ST3GAL6: variants seen among roughly 807,000 people sequenced by gnomAD.
ST3GAL6 encodes ST3 beta-galactoside alpha-2,3-sialyltransferase 6.
Under a neutral mutation model 40.5 loss-of-function variants are expected in ST3GAL6, and 31 were observed. The observed-to-expected ratio is 0.77, with a 90% CI of 0.58 to 1.03. ST3GAL6 has a LOEUF of 1.03. ST3GAL6 is among the 50% of genes least tolerant of loss of function. ST3GAL6 has a pLI of 0.00. For missense variants in ST3GAL6, 357 were observed against 393.2 expected, an observed-to-expected ratio of 0.91 and a Z score of 0.78; for synonymous variants, 129 against 136.9, an observed-to-expected ratio of 0.94 and a Z score of 0.40.
upstream of ST3GAL6, among the ~76,000 whole-genome samples, chr3:98,758,590 A>G (rs1467773665): frequency 6.6e-6 from 1 of 152,228 alleles, no homozygotes; most frequent in African/African-American, 2.4e-5. Flanking sequence ...TTCACTTTAT[A>G]TTCAAAAGCA....
intron 8 of ST3GAL6, among the ~76,000 whole-genome samples, chr3:98,791,222 T>A (rs1302022435): frequency 5.3e-5 from 8 of 152,204 alleles, no homozygotes; most frequent in Admixed American, 1.3e-4. Context: ...GCTTGGTTTT[T>A]CTTTCTAAAA....
At chr3:98,774,965 C>A (rs574147270) in intron 5 of ST3GAL6, among the ~76,000 whole-genome samples, 2 of 152,244 alleles carry the variant, frequency 1.3e-5, no homozygotes, top group Admixed American at 1.3e-4. Context: ...TCAATAGCAA[C>A]CATAAATTTT....
intron 1 of ST3GAL6, among the ~76,000 whole-genome samples, chr3:98,746,402 A>G (rs1936553314): frequency 6.6e-6 from 1 of 151,840 alleles, no homozygotes; most frequent in Non-Finnish European, 1.5e-5. Flanking sequence ...TTGGGAGCCC[A>G]GATTTTTTTT....
intron 1 of ST3GAL6, chr3:98,733,082 C>T (rs1935182198): frequency 1.5e-6 from 2 of 1,370,546 alleles, no homozygotes; most frequent in East Asian, 3.0e-5. Flanking sequence ...CTGTGCTGCC[C>T]CGACCCTCCG....
intron 2 of ST3GAL6, chr3:98,770,322 C>T (rs1277788485): frequency 1.3e-5 from 2 of 152,654 alleles, no homozygotes; most frequent in Non-Finnish European, 2.9e-5. Context: ...GTACTCCATT[C>T]AGGAGCACAC....
At chr3:98,751,277 G>C (rs559477174) in intron 1 of ST3GAL6, among the ~76,000 whole-genome samples, 6 of 152,126 alleles carry the variant, frequency 3.9e-5, no homozygotes, top group Non-Finnish European at 5.9e-5. Flanking sequence ...ATAAGTAATA[G>C]TGGATAGAAG....
chr3:98,778,428 G>A (rs1939757063), intron 5 of ST3GAL6, among the ~76,000 whole-genome samples: 1 of 152,202 alleles, frequency 6.6e-6, no homozygotes, highest in Admixed American at 6.5e-5. Context: ...CCCTACTTTA[G>A]ACATTCTGCT....
chr3:98,770,160 C>A (rs1938813588), intron 2 of ST3GAL6, among the ~76,000 whole-genome samples: 1 of 152,172 alleles, frequency 6.6e-6, no homozygotes, highest in East Asian at 1.9e-4. Flanking sequence ...ATGAATTCTT[C>A]ACATAACTGA....
chr3:98,774,236 C>A (rs1219109862), intron 5 of ST3GAL6, among the ~76,000 whole-genome samples: 2 of 152,178 alleles, frequency 1.3e-5, no homozygotes, highest in African/African-American at 2.4e-5. Flanking sequence ...ACATTTTTAA[C>A]CTACATTCAT....
intron 1 of ST3GAL6, among the ~76,000 whole-genome samples, chr3:98,764,314 A>G (rs1488186336): frequency 3.3e-5 from 5 of 151,304 alleles, no homozygotes; most frequent in African/African-American, 7.3e-5. Context: ...AGGGGAGTCT[A>G]AAAAAAAACC....
At chr3:98,749,123 T>C (rs146514940) in intron 1 of ST3GAL6, among the ~76,000 whole-genome samples, 3 of 152,348 alleles carry the variant, frequency 2.0e-5, no homozygotes, top group East Asian at 3.9e-4. Flanking sequence ...AAATTCTTTA[T>C]TGAAGAAATC....
chr3:98,762,666 C>T (rs1040932930), upstream of ST3GAL6: 22 of 504,934 alleles, frequency 4.4e-5, no homozygotes, highest in Admixed American at 6.4e-5. Flanking sequence ...GTATCATCCC[C>T]TTGTTTTATT....
At chr3:98,768,698 C>T (rs915625963) in intron 2 of ST3GAL6, among the ~76,000 whole-genome samples, 169 bp downstream of exon 2, 5 of 152,132 alleles carry the variant, frequency 3.3e-5, no homozygotes, top group African/African-American at 7.2e-5. Context: ...GATTGTATCT[C>T]GAACAATTTA....
intron 1 of ST3GAL6, among the ~76,000 whole-genome samples, chr3:98,749,532 G>T (rs1936825787): frequency 6.6e-6 from 1 of 152,190 alleles, no homozygotes; most frequent in African/African-American, 2.4e-5. Flanking sequence ...AAAAAAATCA[G>T]ATTGGAGAGG....
At chr3:98,793,618 G>T in intron 9 of ST3GAL6, 57 bp from the exon 10 acceptor site, 1 of 1,122,284 alleles carries the variant, frequency 8.9e-7, no homozygotes. Context: ...CTCCATTGGT[G>T]CTGCTAATAC....
At position 98,770,895 on chromosome 3, in the gene ST3GAL6, A is replaced by T; in HGVS notation, c.106A>T (p.Met36Leu). Residue 36 changes from methionine (M) to leucine (L), a missense_variant, in exon 3 of 10, where the codon ATG becomes TTG. By Grantham distance (15) the Met-to-Leu change is conservative. Coordinates refer to ENST00000483910, the MANE Select transcript of ST3GAL6 (RefSeq NM_001323368.2). ...GTCTCATAGGGTGGCACCTGTGGAAATGAAACGGAGAAATAAGATCCAGCC... is the reference window on the plus strand; with the variant it reads ...GTCTCATAGGGTGGCACCTGTGGAATTGAAACGGAGAAATAAGATCCAGCC... ...TNVYWVAPVE[M>L]KRRNKIQPCL... is the part of the protein sequence containing the mutation. 1 of 1,614,126 alleles carries T rather than the reference A, an allele frequency of 6.2e-7. No homozygotes were observed. Among genetic ancestry groups the T allele is most frequent in the South Asian group, 1.1e-5 (1 of 91,084 alleles).
intron 1 of ST3GAL6, among the ~76,000 whole-genome samples, chr3:98,751,152 C>T (rs182405583): frequency 2.2e-3 from 335 of 152,058 alleles, no homozygotes; most frequent in Middle Eastern, 6.8e-3. Flanking sequence ...AGGAATTCTC[C>T]CTGCCTCAGC....
intron 1 of ST3GAL6, among the ~76,000 whole-genome samples, chr3:98,742,232 C>A (rs192476447): frequency 3.5e-4 from 54 of 152,222 alleles, no homozygotes; most frequent in African/African-American, 1.2e-3. Context: ...TTATGCAATA[C>A]CTGATGTTAA....
chr3:98,766,273 T>A (rs1480193199), intron 1 of ST3GAL6, among the ~76,000 whole-genome samples: 3 of 152,208 alleles, frequency 2.0e-5, no homozygotes, highest in African/African-American at 7.2e-5. Flanking sequence ...GGAGAATACA[T>A]AGGAATTTTG....
Sources: allele counts gnomAD v4.1 joint callset (sites outside exome capture counted in the v4.1 genomes callset), GRCh38; gene constraint gnomAD v4.1.1; transcripts MANE v1.5; gene names NCBI Gene and HGNC (gene_info 2026-07-23, HGNC 2026-07-21).